LRRIQ1: variants seen among roughly 807,000 people sequenced by gnomAD.
LRRIQ1 encodes leucine rich repeats and IQ motif containing 1.
LRRIQ1 carries 210 observed loss-of-function variants against 211.9 expected under a neutral mutation model. The observed-to-expected ratio is 0.99, with a 90% CI of 0.89 to 1.11. LRRIQ1 has a LOEUF of 1.11. Ranked by LOEUF, LRRIQ1 falls within the 50% of genes most tolerant of loss-of-function variation. LRRIQ1 has a pLI of 0.00. For missense variants in LRRIQ1, 2,136 were observed against 1,939.5 expected, an observed-to-expected ratio of 1.10 and a Z score of -1.90; for synonymous variants, 699 against 650.1, an observed-to-expected ratio of 1.08 and a Z score of -1.14.
downstream of LRRIQ1, chr12:85,245,173 C>T: frequency 4.0e-6 from 2 of 497,626 alleles, no homozygotes; most frequent in Admixed American, 4.4e-5. Context: ...CCCTGTGAAT[C>T]ATATTGAATT....
intron 24 of LRRIQ1, among the ~76,000 whole-genome samples, chr12:85,165,722 G>A (rs951938826): frequency 2.0e-5 from 3 of 151,988 alleles, no homozygotes; most frequent in Non-Finnish European, 4.4e-5. Context: ...ACCCGCCTTG[G>A]CCTCCCAAAG....
chr12:85,170,493 T>A (rs1052944833), intron 24 of LRRIQ1, among the ~76,000 whole-genome samples: 38 of 150,328 alleles, frequency 2.5e-4, no homozygotes, highest in Non-Finnish European at 5.0e-4. Context: ...AATTTACATA[T>A]CCCATGTATA....
chr12:85,072,789 A>T, intron 10 of LRRIQ1, 118 bp from the exon 11 acceptor site: 1 of 585,198 alleles, frequency 1.7e-6, no homozygotes, highest in Non-Finnish European at 2.8e-6. Flanking sequence ...TTTATACAGT[A>T]TAGATTTAGG....
At chr12:85,134,293 C>A (rs1265145785) in intron 18 of LRRIQ1, among the ~76,000 whole-genome samples, 3 of 152,024 alleles carry the variant, frequency 2.0e-5, no homozygotes, top group Admixed American at 1.3e-4. Flanking sequence ...AGTGGGAGGT[C>A]CTTAGGATAC....
chr12:85,079,779 C>T (rs1884074799), intron 11 of LRRIQ1, among the ~76,000 whole-genome samples: 3 of 151,236 alleles, frequency 2.0e-5, no homozygotes, highest in Non-Finnish European at 4.4e-5. Context: ...TTCTTTTTGC[C>T]CTTATTTGGT....
intron 24 of LRRIQ1, among the ~76,000 whole-genome samples, chr12:85,218,699 G>A (rs867338225): frequency 1.3e-4 from 20 of 152,162 alleles, no homozygotes; most frequent in Middle Eastern, 6.8e-3. Context: ...AATGGAAAAT[G>A]AGGTAGTGTG....
At chr12:85,070,684 A>G (rs1245096369) in intron 10 of LRRIQ1, among the ~76,000 whole-genome samples, 1 of 151,876 alleles carries the variant, frequency 6.6e-6, no homozygotes, top group African/African-American at 2.4e-5. Flanking sequence ...TTGCTCTGTT[A>G]TTCGTTTTGA....
chr12:85,250,892 A>G (rs537744277), intron 1 of LRRIQ1, among the ~76,000 whole-genome samples: 1 of 101,078 alleles, frequency 9.9e-6, no homozygotes, highest in South Asian at 2.4e-4. Context: ...TATATAATAT[A>G]TTTTATATAT....
intron 24 of LRRIQ1, among the ~76,000 whole-genome samples, chr12:85,200,442 C>G (rs1026850466): frequency 6.6e-6 from 1 of 152,194 alleles, no homozygotes; most frequent in Non-Finnish European, 1.5e-5. Context: ...TATTTTGATG[C>G]CTTTTATATC....
intron 1 of LRRIQ1, among the ~76,000 whole-genome samples, chr12:85,253,946 C>A (rs1191126741): frequency 6.6e-6 from 1 of 151,814 alleles, no homozygotes; most frequent in Non-Finnish European, 1.5e-5. Flanking sequence ...AAATCTAATC[C>A]CCAGTGTGGG....
At chr12:85,038,052 T>A (rs958235285) in intron 1 of LRRIQ1, 101 bp from the exon 2 acceptor site, 13 of 753,224 alleles carry the variant, frequency 1.7e-5, no homozygotes, top group Non-Finnish European at 2.2e-5. Context: ...TAAAAGTTTG[T>A]TAAATTAAAA....
intron 24 of LRRIQ1, among the ~76,000 whole-genome samples, chr12:85,179,644 T>C (rs971086813): frequency 6.6e-6 from 1 of 152,124 alleles, no homozygotes; most frequent in Admixed American, 6.6e-5. Flanking sequence ...CCAACTATGA[T>C]AAACTGTGTT....
rs12578304 is a variant in LRRIQ1 at position 85,180,929 on chromosome 12, G to A, written c.4822+20215G>A. ...ATTTTCAATGGAAAGGAATTTTCTC[G>A]GTAATGGTGAATACAAATACTTGAT... On this transcript the variant is annotated intron_variant, in intron 24 of 26. Transcript: ENST00000393217. 0.018 allele frequency among the ~76,000 whole-genome samples: 2,743 copies of A among 151,532 alleles called. 142 individuals carry two copies. In the East Asian group the frequency reaches 0.2, roughly 11 times the overall value.
intron 24 of LRRIQ1, among the ~76,000 whole-genome samples, chr12:85,189,874 A>C (rs2136930480): frequency 6.9e-6 from 1 of 144,796 alleles, no homozygotes; most frequent in Non-Finnish European, 1.5e-5. Flanking sequence ...TATTTATATA[A>C]GATTATATAT....
At chr12:85,052,136 A>G (rs1181561633) in intron 6 of LRRIQ1, 41 bp from the exon 7 acceptor site, 1 of 1,035,246 alleles carries the variant, frequency 9.7e-7, no homozygotes, top group Non-Finnish European at 1.4e-6. Context: ...AATATTTTTG[A>G]TATTTGAGTA....
intron 11 of LRRIQ1, among the ~76,000 whole-genome samples, chr12:85,080,126 A>G (rs902317080): frequency 6.6e-6 from 1 of 152,006 alleles, no homozygotes; most frequent in Admixed American, 6.6e-5. Context: ...TGAGGTATAG[A>G]CTTACCATTT....
intron 11 of LRRIQ1, among the ~76,000 whole-genome samples, chr12:85,096,395 T>C (rs940038262): frequency 1.1e-4 from 17 of 152,208 alleles, no homozygotes; most frequent in Non-Finnish European, 8.8e-5. Flanking sequence ...AATTTGTAAA[T>C]TTCTGCCTTA....
chr12:85,235,646 C>T (rs1301883012), intron 26 of LRRIQ1, among the ~76,000 whole-genome samples: 3 of 152,106 alleles, frequency 2.0e-5, no homozygotes, highest in African/African-American at 7.2e-5. Flanking sequence ...CTGCAGTTTT[C>T]TCAGTGACTA....
chr12:85,088,506 G>T (rs1471959281), intron 11 of LRRIQ1, among the ~76,000 whole-genome samples: 2 of 152,160 alleles, frequency 1.3e-5, no homozygotes, highest in Non-Finnish European at 2.9e-5. Flanking sequence ...GCTTGATGGG[G>T]ATAGCATTGA....
Sources: allele counts gnomAD v4.1 joint callset (sites outside exome capture counted in the v4.1 genomes callset), GRCh38; gene constraint gnomAD v4.1.1; transcripts MANE v1.5; gene names NCBI Gene and HGNC (gene_info 2026-07-23, HGNC 2026-07-21).